SEMA6D: variants seen among roughly 807,000 people sequenced by gnomAD.
The protein encoded by SEMA6D is semaphorin-6D.
In SEMA6D, 35 loss-of-function variants were observed where a neutral mutation model predicts 106.6. That is an observed-to-expected ratio of 0.33 (90% CI 0.25 to 0.44). The LOEUF is 0.44. Among genes scored for constraint, SEMA6D ranks in the 20% least tolerant of loss-of-function variants. The pLI is 1.00. For missense variants in SEMA6D, 1,185 were observed against 1,345.9 expected (o/e 0.88, Z 1.87); for synonymous variants, 499 against 487.7 (o/e 1.02, Z -0.31).
rs77528155 is a variant in SEMA6D, at chr15:47,634,432, G to A, written c.-55+33536G>A. Among the ~76,000 whole-genome samples, 1,045 of 152,172 alleles carry A rather than the reference G, an allele frequency of 6.9e-3. 14 individuals carry two copies. Among genetic ancestry groups the A allele is most frequent in the African/African-American group, 0.024 (1,004 of 41,502 alleles). On this transcript the variant is annotated intron_variant, in intron 4 of 19. Transcript: ENST00000558014. ...GAGTCACACAACTTTGTTACTGCAC[G>A]ATGGTGATAGAAGTTCAGCTCCCTT...
chr15:47,232,526 G>GGTGTGTGTGTGT lies in SEMA6D; in HGVS notation c.-239+48127_-239+48138dup, dbSNP rs60261871. Among the ~76,000 whole-genome samples, 388 of 148,132 alleles carry GGTGTGTGTGTGT rather than the reference G, an allele frequency of 2.6e-3. 2 individuals are homozygous for GGTGTGTGTGTGT. The highest frequency in any genetic ancestry group is 8.8e-3 in the African/African-American group (357 of 40,426). On this transcript the variant is annotated intron_variant, in intron 1 of 19. Coordinates refer to the SEMA6D transcript ENST00000558014. ...AGCTCTTGTTATTCTATGGGGGGAGGGTGTGTGTGTGTGTGTGTGTGTGTG... is the reference window on the plus strand; with the variant it reads ...AGCTCTTGTTATTCTATGGGGGGAGGGTGTGTGTGTGTGTGTGTGTGTGTGTGTGTGTGTGTG...
At chr15:47,708,596 C>CAA (rs2078958494) in intron 4 of SEMA6D, among the ~76,000 whole-genome samples, 1 of 152,206 alleles carries the variant, frequency 6.6e-6, no homozygotes, top group Non-Finnish European at 1.5e-5. Context: ...GTTGCGTGCT[C>CAA]TCTCACTTAT....
intron 1 of SEMA6D, among the ~76,000 whole-genome samples, chr15:47,207,810 C>G (rs1341067322): frequency 6.6e-6 from 1 of 152,082 alleles, no homozygotes; most frequent in Non-Finnish European, 1.5e-5. Flanking sequence ...ACTGTGCTTT[C>G]TGAAACTACT....
chr15:47,536,414 T>G (rs192618868), intron 3 of SEMA6D, among the ~76,000 whole-genome samples: 1 of 152,210 alleles, frequency 6.6e-6, no homozygotes, highest in Non-Finnish European at 1.5e-5. Flanking sequence ...TCCATTCTTA[T>G]TGGGGACACA....
intron 1 of SEMA6D, among the ~76,000 whole-genome samples, chr15:47,306,669 C>T (rs1007120709): frequency 6.6e-6 from 1 of 152,144 alleles, no homozygotes; most frequent in Non-Finnish European, 1.5e-5. Flanking sequence ...GAGCCAAGAT[C>T]GTGCCACTGC....
chr15:47,502,243 C>G (rs1476223771), intron 3 of SEMA6D, among the ~76,000 whole-genome samples: 1 of 152,142 alleles, frequency 6.6e-6, no homozygotes, highest in Admixed American at 6.6e-5. Flanking sequence ...CAAATTAGAT[C>G]GTCGCACTGC....
intron 1 of SEMA6D, among the ~76,000 whole-genome samples, chr15:47,324,646 T>C (rs1310280756): frequency 6.6e-6 from 1 of 150,746 alleles, no homozygotes; most frequent in African/African-American, 2.4e-5. Context: ...TATGTGTCTG[T>C]ACATATATAT....
At chr15:47,761,850 C>G in intron 7 of SEMA6D, 99 bp downstream of exon 7, 1 of 1,027,534 alleles carries the variant, frequency 9.7e-7, no homozygotes, top group Non-Finnish European at 1.4e-6. Flanking sequence ...GGATACCCAC[C>G]TTGATCTAAG....
intron 1 of SEMA6D, among the ~76,000 whole-genome samples, chr15:47,229,092 C>G (rs757372625): frequency 7.2e-5 from 11 of 151,976 alleles, no homozygotes; most frequent in Non-Finnish European, 1.5e-4. Context: ...AGAGACTAGA[C>G]TTTGGTCTAC....
At chr15:47,434,167 A>G (rs1379751364) in intron 2 of SEMA6D, among the ~76,000 whole-genome samples, 1 of 152,130 alleles carries the variant, frequency 6.6e-6, no homozygotes, top group Non-Finnish European at 1.5e-5. Context: ...AACAGTGTGC[A>G]GTAGCATTGG....
intron 4 of SEMA6D, among the ~76,000 whole-genome samples, chr15:47,635,957 TA>T (rs5812405): frequency 0.88 from 124,518 of 140,814 alleles, 55,662 homozygotes; most frequent in East Asian, 0.99. Flanking sequence ...ACTTAAATGC[TA>T]AAAAAAAAAA....
intron 1 of SEMA6D, among the ~76,000 whole-genome samples, chr15:47,742,144 T>A (rs2080858497): frequency 6.6e-6 from 1 of 152,234 alleles, no homozygotes; most frequent in African/African-American, 2.4e-5. Flanking sequence ...GAATACTGAT[T>A]TGAGCAAAAG....
At chr15:47,246,388 C>T (rs1457110438) in intron 1 of SEMA6D, among the ~76,000 whole-genome samples, 1 of 152,130 alleles carries the variant, frequency 6.6e-6, no homozygotes, top group Non-Finnish European at 1.5e-5. Flanking sequence ...GCCTACGGTA[C>T]AGGGCTGAAG....
At chr15:47,555,862 G>T (rs1347309243) in intron 3 of SEMA6D, among the ~76,000 whole-genome samples, 1 of 152,102 alleles carries the variant, frequency 6.6e-6, no homozygotes, top group Non-Finnish European at 1.5e-5. Flanking sequence ...CTGATAGTCA[G>T]AATAAATTAT....
chr15:47,648,217 A>G (rs2077617764), intron 4 of SEMA6D, among the ~76,000 whole-genome samples: 1 of 152,212 alleles, frequency 6.6e-6, no homozygotes, highest in Admixed American at 6.5e-5. Context: ...AGCCAGGGCC[A>G]CTGTCTGTGT....
intron 2 of SEMA6D, among the ~76,000 whole-genome samples, chr15:47,460,341 CCAA>C (rs1845265156): frequency 6.6e-6 from 1 of 152,012 alleles, no homozygotes; most frequent in Non-Finnish European, 1.5e-5. Context: ...AAGATTTAAG[CCAA>C]CAAGAAGGGG....
chr15:47,699,906 A>T (rs2078775299), intron 4 of SEMA6D, among the ~76,000 whole-genome samples: 1 of 152,226 alleles, frequency 6.6e-6, no homozygotes. Flanking sequence ...AACACCTCCT[A>T]GAACTAATAA....
Position 47,730,552 on chromosome 15 carries a change from C to T in SEMA6D, c.-55+12860C>T, listed in dbSNP as rs954082147. 2.3e-4 allele frequency: 308 copies of T among 1,366,762 alleles called. 2 individuals carry two copies. Among genetic ancestry groups the T allele is most frequent in the Middle Eastern group, 2.5e-4 (1 of 3,984 alleles). 84.7% of individuals were successfully genotyped at this position (1,366,762 alleles called of 1,614,324 possible). On this transcript the variant is annotated intron_variant, in intron 1 of 18. Transcript: ENST00000536845. The stretch of plus-strand genomic sequence containing the variant: ...CTGCTCGAAGGACAGGTGGTCTCTT[C>T]GTGGGGACATCCCCTTTGCCAGCAG...
intron 1 of SEMA6D, among the ~76,000 whole-genome samples, chr15:47,227,482 T>TTCTC (rs1566937899): frequency 5.7e-5 from 8 of 139,590 alleles, no homozygotes; most frequent in African/African-American, 1.7e-4. Flanking sequence ...TTCTCTTTCT[T>TTCTC]TTTCTTTCTT....
Sources: allele counts gnomAD v4.1 joint callset (sites outside exome capture counted in the v4.1 genomes callset), GRCh38; gene constraint gnomAD v4.1.1; transcripts MANE v1.5; gene names NCBI Gene and HGNC (gene_info 2026-07-23, HGNC 2026-07-21).